CAMKMT: variants seen among roughly 807,000 people sequenced by gnomAD.
The protein encoded by CAMKMT is CaM KMT.
Under a neutral mutation model 48.0 loss-of-function variants are expected in CAMKMT, and 53 were observed. The ratio of observed to expected loss-of-function variants is 1.10; its 90% CI spans 0.89 to 1.39. CAMKMT has a LOEUF of 1.39. Ranked by LOEUF, CAMKMT falls within the 40% of genes most tolerant of loss-of-function variation. The pLI is 0.00. For synonymous variants in CAMKMT, 165 were observed against 152.3 expected (o/e 1.08, Z -0.61); for missense variants, 428 against 402.7 (o/e 1.06, Z -0.54).
intron 3 of CAMKMT, among the ~76,000 whole-genome samples, chr2:44,701,040 G>C (rs773919580): frequency 4.6e-5 from 7 of 152,192 alleles, no homozygotes; most frequent in South Asian, 2.1e-4. Context: ...CCGTTAGTCA[G>C]TTGATGGACA....
At chr2:44,624,175 G>A (rs1404317078) in intron 3 of CAMKMT, among the ~76,000 whole-genome samples, 1 of 152,140 alleles carries the variant, frequency 6.6e-6, no homozygotes, top group Non-Finnish European at 1.5e-5. Flanking sequence ...TAAAAAGTTG[G>A]GTTGTTTCCA....
chr2:44,585,962 G>T (rs1669834037), intron 3 of CAMKMT, among the ~76,000 whole-genome samples: 1 of 152,190 alleles, frequency 6.6e-6, no homozygotes, highest in Admixed American at 6.5e-5. Flanking sequence ...CTCTCAGACT[G>T]TTCTAATTTT....
chr2:44,561,986 G>A (rs967361828), intron 3 of CAMKMT, among the ~76,000 whole-genome samples: 3 of 152,192 alleles, frequency 2.0e-5, no homozygotes, highest in Non-Finnish European at 4.4e-5. Flanking sequence ...TCCAAGTGAT[G>A]GTGATGGTGT....
rs943707359 is a variant in CAMKMT, at chr2:44,533,986, C to A, written c.376+143681C>A. Among the ~76,000 whole-genome samples, 8 of 152,158 alleles carry A rather than the reference C, an allele frequency of 5.3e-5. No homozygotes were observed. The South Asian group carries it at 1.2e-3, about 24-fold the overall frequency. On this transcript the variant is annotated intron_variant, in intron 3 of 10. Coordinates refer to ENST00000378494, the MANE Select transcript of CAMKMT (RefSeq NM_024766.5). ...AACTATATGCTGCCTACAAGAAACT[C>A]ACTTCACCTGTAAAGACATGTATAG...
chr2:44,362,285 C>T (rs1677960258), intron 1 of CAMKMT, 140 bp downstream of exon 1: 1 of 704,658 alleles, frequency 1.4e-6, no homozygotes, highest in South Asian at 2.5e-5. Context: ...CTGCGAAGCT[C>T]CCCCTCGCTT....
At chr2:44,739,121 C>T (rs1362860671) in intron 7 of CAMKMT, among the ~76,000 whole-genome samples, 1 of 152,148 alleles carries the variant, frequency 6.6e-6, no homozygotes, top group African/African-American at 2.4e-5. Context: ...TTGGCTTTTG[C>T]TCTGAGTGAA....
chr2:44,409,110 T>TTGCTAC (rs1558587815), intron 3 of CAMKMT, among the ~76,000 whole-genome samples: 18 of 3,882 alleles, frequency 4.6e-3, no homozygotes, highest in African/African-American at 8.2e-3. Flanking sequence ...TATATATATA[T>TTGCTAC]ATATATATAT....
intron 3 of CAMKMT, among the ~76,000 whole-genome samples, chr2:44,603,308 C>G (rs1023632297): frequency 3.3e-5 from 5 of 152,234 alleles, no homozygotes; most frequent in East Asian, 1.9e-4. Flanking sequence ...CCAGGCTGGT[C>G]TTGAACTCCT....
At chr2:44,381,713 T>C (rs1377971943) in intron 2 of CAMKMT, among the ~76,000 whole-genome samples, 3 of 152,168 alleles carry the variant, frequency 2.0e-5, no homozygotes, top group African/African-American at 7.2e-5. Flanking sequence ...AATTGGTGAA[T>C]AACAAATTGC....
intron 3 of CAMKMT, among the ~76,000 whole-genome samples, chr2:44,693,891 G>T (rs1489928945): frequency 6.6e-6 from 1 of 152,186 alleles, no homozygotes; most frequent in Non-Finnish European, 1.5e-5. Flanking sequence ...ATTTGAGAGA[G>T]GCCTTTTTTT....
chr2:44,749,147 T>C (rs1680045011), intron 8 of CAMKMT, among the ~76,000 whole-genome samples: 1 of 152,168 alleles, frequency 6.6e-6, no homozygotes, highest in African/African-American at 2.4e-5. Flanking sequence ...TCTTTTCCCA[T>C]TGCTCAAAGT....
chr2:44,577,680 A>AGAGAGG (rs56212783), intron 3 of CAMKMT, among the ~76,000 whole-genome samples: 91,860 of 148,394 alleles, frequency 0.62, 28,935 homozygotes, highest in Middle Eastern at 0.71. Context: ...AGAGGGAGAC[A>AGAGAGG]GAGAGGGAGA....
At chr2:44,497,709 A>AGAG (rs1558657751) in intron 3 of CAMKMT, among the ~76,000 whole-genome samples, 1,535 of 138,986 alleles carry the variant, frequency 0.011, 35 homozygotes, top group African/African-American at 0.039. Context: ...TAAGCAGGCA[A>AGAG]AGAGAGAGAG....
At chr2:44,650,193 C>T (rs1043836600) in intron 3 of CAMKMT, among the ~76,000 whole-genome samples, 2 of 152,122 alleles carry the variant, frequency 1.3e-5, no homozygotes, top group African/African-American at 2.4e-5. Context: ...TAGGGGAGTC[C>T]GTCACTGCCT....
intron 3 of CAMKMT, among the ~76,000 whole-genome samples, chr2:44,529,621 A>G (rs1666359567): frequency 6.6e-6 from 1 of 152,142 alleles, no homozygotes; most frequent in African/African-American, 2.4e-5. Context: ...GCCCTTCTGT[A>G]CCTTAAAAAC....
chr2:44,607,568 C>G (rs1378948721), intron 3 of CAMKMT, among the ~76,000 whole-genome samples: 1 of 151,974 alleles, frequency 6.6e-6, no homozygotes, highest in East Asian at 1.9e-4. Flanking sequence ...TATTGAAAGA[C>G]TAGGAAATAC....
intron 3 of CAMKMT, among the ~76,000 whole-genome samples, chr2:44,586,734 C>T (rs1669878601): frequency 6.6e-6 from 1 of 152,038 alleles, no homozygotes; most frequent in African/African-American, 2.4e-5. Context: ...GGGTTGTTTC[C>T]AGCTTTGGGT....
intron 3 of CAMKMT, among the ~76,000 whole-genome samples, chr2:44,555,575 C>A (rs1168542860): frequency 2.6e-5 from 4 of 152,044 alleles, no homozygotes; most frequent in Non-Finnish European, 4.4e-5. Flanking sequence ...GTGGTCTCAT[C>A]TGTAGAAATT....
intron 6 of CAMKMT, 75 bp from the exon 7 acceptor site, chr2:44,715,212 A>AAAT: frequency 2.2e-6 from 2 of 897,468 alleles, no homozygotes; most frequent in Admixed American, 2.6e-5. Flanking sequence ...AAAAAAAAAA[A>AAAT]GATAACTGTT....
Sources: allele counts gnomAD v4.1 joint callset (sites outside exome capture counted in the v4.1 genomes callset), GRCh38; gene constraint gnomAD v4.1.1; transcripts MANE v1.5; gene names NCBI Gene and HGNC (gene_info 2026-07-23, HGNC 2026-07-21).